Variants in WIPF3 observed in about 807,000 individuals in gnomAD.
WIPF3 encodes WAS/WASL-interacting protein family member 3.
Under a neutral mutation model 38.9 loss-of-function variants are expected in WIPF3, and 33 were observed. The observed-to-expected ratio is 0.85, with a 90% CI of 0.64 to 1.14. The LOEUF (loss-of-function observed/expected upper bound fraction) is 1.14, where lower values mean the gene tolerates loss of function less well. Ranked by LOEUF, WIPF3 falls within the 50% of genes most tolerant of loss-of-function variation. The pLI is 0.00. For missense variants in WIPF3, 711 were observed against 652.5 expected (o/e 1.09, Z -0.98); for synonymous variants, 324 against 269.3 (o/e 1.20, Z -1.99).
chr7:29,909,466 A>G (rs1305233912), intron 8 of WIPF3, among the ~76,000 whole-genome samples: 1 of 152,268 alleles, frequency 6.6e-6, no homozygotes, highest in African/African-American at 2.4e-5. Flanking sequence ...AAGTGGATAC[A>G]TTACTACTAA....
At chr7:29,881,437 G>A (rs531207876) in intron 4 of WIPF3, among the ~76,000 whole-genome samples, 6 of 152,314 alleles carry the variant, frequency 3.9e-5, no homozygotes, top group Admixed American at 3.9e-4. Flanking sequence ...CCATAGCACA[G>A]TGTCATGGGC....
intron 1 of WIPF3, among the ~76,000 whole-genome samples, chr7:29,814,488 T>C (rs1032048868): frequency 7.2e-5 from 11 of 152,220 alleles, no homozygotes; most frequent in Non-Finnish European, 1.6e-4. Flanking sequence ...AGTACATATT[T>C]GCTGCATTGC....
intron 2 of WIPF3, among the ~76,000 whole-genome samples, chr7:29,850,039 A>G (rs1214854359): frequency 6.6e-6 from 1 of 152,240 alleles, no homozygotes; most frequent in East Asian, 1.9e-4. Context: ...TTGGAAATTT[A>G]AAATATCTCA....
Position 29,888,106 on chromosome 7 carries a change from C to G in WIPF3, c.1138C>G (p.Pro380Ala), listed in dbSNP as rs755196594. ...GGKLNPPPAP[P>A]ARSPTTELSS... ...AAAGCTAAATCCACCTCCAGCACCC[C>G]CTGCGAGATCACCTACCACAGAGCT... Residue 380 changes from proline (P) to alanine (A), a missense_variant, in exon 6 of 9, where the codon CCT becomes GCT. By Grantham distance (27) the Pro-to-Ala change is conservative. Coordinates refer to ENST00000242140, the MANE Select transcript of WIPF3 (RefSeq NM_001080529.3). The G allele has an allele frequency of 3.1e-6, 5 of 1,613,920 alleles. No individual in the cohort carries two copies. Among genetic ancestry groups the G allele is most frequent in the Admixed American group, 3.3e-5 (2 of 60,008 alleles).
At chr7:29,902,406 AGT>A (rs1234573137) in intron 7 of WIPF3, among the ~76,000 whole-genome samples, 1 of 151,930 alleles carries the variant, frequency 6.6e-6, no homozygotes, top group Non-Finnish European at 1.5e-5. Flanking sequence ...TGAAAATTAC[AGT>A]GTCCATTTGA....
chr7:29,834,893 C>G (rs1265034913), intron 2 of WIPF3, 79 bp downstream of exon 2: 5 of 1,469,184 alleles, frequency 3.4e-6, no homozygotes, highest in Non-Finnish European at 3.6e-6. Flanking sequence ...TTTAAATGTT[C>G]AGAAGTAGCA....
At chr7:29,828,244 T>G (rs1784655775) in intron 1 of WIPF3, among the ~76,000 whole-genome samples, 1 of 152,224 alleles carries the variant, frequency 6.6e-6, no homozygotes, top group African/African-American at 2.4e-5. Flanking sequence ...GTGTGTAAAA[T>G]TACTTACATG....
intron 2 of WIPF3, among the ~76,000 whole-genome samples, chr7:29,841,373 C>T (rs1045880426): frequency 4.6e-5 from 7 of 152,134 alleles, no homozygotes; most frequent in African/African-American, 1.7e-4. Context: ...TTTTCAAGAG[C>T]GTGGAACAGA....
intron 1 of WIPF3, among the ~76,000 whole-genome samples, chr7:29,826,358 A>C (rs145531156): frequency 6.5e-4 from 99 of 152,144 alleles, no homozygotes; most frequent in African/African-American, 2.3e-3. Context: ...CCAGGCCCCA[A>C]CTCCGACCTA....
At chr7:29,881,213 T>C (rs740147) in intron 4 of WIPF3, among the ~76,000 whole-genome samples, 65,168 of 152,052 alleles carry the variant, frequency 0.43, 14,879 homozygotes, top group African/African-American at 0.58. Flanking sequence ...CTCAATTTAC[T>C]TTTCTTGTAT....
chr7:29,842,598 C>T (rs1784930469), intron 2 of WIPF3, among the ~76,000 whole-genome samples: 2 of 152,292 alleles, frequency 1.3e-5, no homozygotes, highest in Admixed American at 6.5e-5. Context: ...GAAATATAAG[C>T]TGTGACATAT....
At chr7:29,829,951 C>T (rs1279895390) in intron 1 of WIPF3, among the ~76,000 whole-genome samples, 1 of 152,180 alleles carries the variant, frequency 6.6e-6, no homozygotes, top group African/African-American at 2.4e-5. Flanking sequence ...AAATACACTT[C>T]AGAGCAAAAC....
At chr7:29,868,073 T>C (rs1264378594) in intron 2 of WIPF3, among the ~76,000 whole-genome samples, 1 of 152,206 alleles carries the variant, frequency 6.6e-6, no homozygotes, top group African/African-American at 2.4e-5. Flanking sequence ...TTAAAAACGA[T>C]GTGCCTTGGC....
intron 2 of WIPF3, among the ~76,000 whole-genome samples, chr7:29,837,558 A>G (rs1206406960): frequency 6.6e-6 from 1 of 152,202 alleles, no homozygotes; most frequent in African/African-American, 2.4e-5. Flanking sequence ...AATTTTTTGA[A>G]TTCTCTCCTT....
At chr7:29,836,610 GA>G (rs1017065980) in intron 2 of WIPF3, among the ~76,000 whole-genome samples, 3 of 152,204 alleles carry the variant, frequency 2.0e-5, no homozygotes, top group African/African-American at 7.2e-5. Flanking sequence ...CGAAAAAATA[GA>G]TCTTAAATGG....
intron 1 of WIPF3, among the ~76,000 whole-genome samples, chr7:29,811,935 T>C (rs1395540148): frequency 6.6e-6 from 1 of 152,230 alleles, no homozygotes; most frequent in Non-Finnish European, 1.5e-5. Context: ...GTGAACAGTC[T>C]CATCTTTAAG....
chr7:29,815,588 T>A (rs1331491585), intron 1 of WIPF3, among the ~76,000 whole-genome samples: 1 of 152,186 alleles, frequency 6.6e-6, no homozygotes, highest in Non-Finnish European at 1.5e-5. Flanking sequence ...GGCAGTATTT[T>A]GTGGCTAGGG....
At chr7:29,822,680 G>C (rs906490538) in intron 1 of WIPF3, among the ~76,000 whole-genome samples, 6 of 152,184 alleles carry the variant, frequency 3.9e-5, no homozygotes, top group Non-Finnish European at 5.9e-5. Context: ...ATCGTCTACA[G>C]CATATCCACA....
chr7:29,867,636 A>G (rs1014558402), intron 2 of WIPF3, among the ~76,000 whole-genome samples: 1 of 150,684 alleles, frequency 6.6e-6, no homozygotes, highest in Admixed American at 6.6e-5. Context: ...TTGAAGATCA[A>G]ATTTTCTCGT....
Sources: gnomAD v4.1 joint callset for allele counts (sites outside exome capture counted in the v4.1 genomes callset) on GRCh38, gnomAD v4.1.1 for gene constraint, MANE v1.5 for transcripts, NCBI Gene and HGNC (gene_info 2026-07-23, HGNC 2026-07-21) for gene names.